TBC1D30: variants seen among roughly 807,000 people sequenced by gnomAD.
The protein encoded by TBC1D30 is TBC1 domain family, member 30.
Under a neutral mutation model 63.2 loss-of-function variants are expected in TBC1D30, and 31 were observed. That is an observed-to-expected ratio of 0.49 (90% CI 0.37 to 0.66). TBC1D30 has a LOEUF of 0.66. TBC1D30 is among the 30% of genes least tolerant of loss of function. The pLI is 0.00. For synonymous variants in TBC1D30, 307 were observed against 361.5 expected (o/e 0.85, Z 1.71); for missense variants, 810 against 953.6 (o/e 0.85, Z 1.98).
intron 2 of TBC1D30, among the ~76,000 whole-genome samples, chr12:64,816,582 C>G (rs976317879): frequency 6.6e-6 from 1 of 152,194 alleles, no homozygotes; most frequent in Non-Finnish European, 1.5e-5. Flanking sequence ...GGAAGCTGCT[C>G]TACTGGTATT....
At chr12:64,835,178 G>A (rs1378464774) in intron 5 of TBC1D30, among the ~76,000 whole-genome samples, 4 of 152,142 alleles carry the variant, frequency 2.6e-5, no homozygotes, top group African/African-American at 9.7e-5. Context: ...GCAAGATGAT[G>A]TTACGTGTAC....
rs534427638 is a variant in TBC1D30, at chr12:64,870,412, A to G, written c.1292-190A>G. On this transcript the variant is annotated intron_variant, in intron 10 of 11. Transcript: ENST00000539867. Reference sequence around the variant, plus strand: ...ATGTCAGACCCACAGTTAGGTTAATAAGAAAATGCAGAAATATTTTCAGGG... The same window carrying G: ...ATGTCAGACCCACAGTTAGGTTAATGAGAAAATGCAGAAATATTTTCAGGG... 5.8e-4 allele frequency among the ~76,000 whole-genome samples: 89 copies of G among 152,370 alleles called. 1 individual carries two copies. The highest frequency in any genetic ancestry group is 2.1e-3 in the African/African-American group (87 of 41,592).
chr12:64,795,059 T>G (rs1349479666), intron 2 of TBC1D30, among the ~76,000 whole-genome samples: 1 of 152,226 alleles, frequency 6.6e-6, no homozygotes, highest in East Asian at 1.9e-4. Flanking sequence ...TCTTTGGCTG[T>G]CTGCTCATAA....
At chr12:64,779,365 A>AT (rs1418114933), upstream of TBC1D30, 1 of 152,242 alleles carries the variant, frequency 6.6e-6, no homozygotes, top group African/African-American at 2.4e-5. Flanking sequence ...CATTTCATAC[A>AT]TTTAAACATT....
At chr12:64,821,645 T>TA (rs1329199550), upstream of TBC1D30, among the ~76,000 whole-genome samples, 2 of 152,176 alleles carry the variant, frequency 1.3e-5, no homozygotes, top group Non-Finnish European at 2.9e-5. Context: ...CTGTGCCCTC[T>TA]AAAAAACTGG....
chr12:64,849,621 C>T (rs1047205889), intron 8 of TBC1D30, among the ~76,000 whole-genome samples: 4 of 152,066 alleles, frequency 2.6e-5, no homozygotes, highest in Non-Finnish European at 5.9e-5. Flanking sequence ...TGTTCTGTTC[C>T]ATTGGTTTAT....
rs1336658685 is a variant in TBC1D30 at position 64,785,964 on chromosome 12, C to T, written c.562C>T (p.Gln188Ter). ...GGCCAAGTTACTTCGGCATCTGAAG[C>T]AGAAAGATAGGCTTCTGCATAAAGT... The change falls in exon 2 of 13, where the codon CAG becomes TAG. Residue 188 changes from glutamine to a stop codon, truncating the protein, a stop_gained. Transcript: ENST00000542120. LOFTEE classifies it high-confidence loss of function. 1.6e-6 allele frequency: 2 copies of T among 1,289,700 alleles called. No individual in the cohort carries two copies. The highest frequency in any genetic ancestry group is 3.0e-5 in the African/African-American group (2 of 65,858). 79.9% of individuals were successfully genotyped at this position (1,289,700 alleles called of 1,614,324 possible).
intron 8 of TBC1D30, among the ~76,000 whole-genome samples, chr12:64,848,206 C>T (rs1876554368): frequency 6.6e-6 from 1 of 151,764 alleles, no homozygotes; most frequent in South Asian, 2.1e-4. Context: ...GCTACTCCTG[C>T]TCCTTTTTTG....
intron 1 of TBC1D30, 146 bp downstream of exon 1, chr12:64,825,179 C>T (rs1874205107): frequency 8.1e-7 from 1 of 1,241,260 alleles, no homozygotes; most frequent in Non-Finnish European, 1.1e-6. Context: ...TTGGCACCTG[C>T]AGGGAGCGAT....
chr12:64,849,222 G>T lies in TBC1D30; in HGVS notation c.1038+5737G>T, dbSNP rs565596264. On this transcript the variant is annotated intron_variant, in intron 8 of 11. Transcript: ENST00000539867. Reference sequence around the variant, plus strand: ...TACAAAAGTTTTCTCCTATTCTGTAGGTTGCCTGTTTGCTCTAATGATAGG... The same window carrying T: ...TACAAAAGTTTTCTCCTATTCTGTATGTTGCCTGTTTGCTCTAATGATAGG... 2.6e-5 allele frequency among the ~76,000 whole-genome samples: 4 copies of T among 152,254 alleles called. No individual in the cohort carries two copies. The South Asian group carries it at 8.3e-4, about 32-fold the overall frequency.
chr12:64,812,348 T>C (rs980719563), intron 2 of TBC1D30, among the ~76,000 whole-genome samples: 7 of 152,186 alleles, frequency 4.6e-5, no homozygotes, highest in African/African-American at 1.7e-4. Context: ...CAGTAAACAA[T>C]TGGTATATGG....
In TBC1D30 at chr12:64,772,781, G is replaced by A. The variant is rs548987391; in HGVS notation, c.-375-13100G>A. On this transcript the variant is annotated intron_variant, in intron 1 of 13. Transcript: ENST00000674237. ...TGTGCCAGGAGTTTGAGATCAGCCT[G>A]GGCAATATAGCAAGACTCTGTCTCT... Among the ~76,000 whole-genome samples the A allele has an allele frequency of 2.0e-5, 3 of 152,142 alleles. No homozygotes were observed. In the South Asian group the frequency reaches 6.2e-4, roughly 32 times the overall value.
At chr12:64,832,073 G>T in intron 4 of TBC1D30, 46 bp from the exon 5 acceptor site, 1 of 1,450,366 alleles carries the variant, frequency 6.9e-7, no homozygotes, top group Non-Finnish European at 9.2e-7. Context: ...GTTTTGGAAA[G>T]AATATTAGGA....
chr12:64,796,113 T>G (rs535285308), intron 2 of TBC1D30, among the ~76,000 whole-genome samples: 40 of 152,242 alleles, frequency 2.6e-4, no homozygotes, highest in Non-Finnish European at 5.1e-4. Context: ...CCTCATTTTC[T>G]TTAAGCTCTT....
At chr12:64,824,310 T>C (rs997346542), upstream of TBC1D30, among the ~76,000 whole-genome samples, 9 of 152,134 alleles carry the variant, frequency 5.9e-5, no homozygotes, top group Admixed American at 2.0e-4. Context: ...CCGCCTGCGG[T>C]TGGGTCATGG....
intron 5 of TBC1D30, among the ~76,000 whole-genome samples, chr12:64,834,563 C>T (rs552188421): frequency 6.6e-6 from 1 of 151,736 alleles, no homozygotes; most frequent in Non-Finnish European, 1.5e-5. Flanking sequence ...TACACCACCA[C>T]GCCCAGCAAA....
chr12:64,836,569 CT>C lies in TBC1D30; in HGVS notation c.675del (p.Val226SerfsTer6). On this transcript the variant is annotated frameshift_variant, in exon 6 of 12. Coordinates refer to ENST00000539867, the MANE Select transcript of TBC1D30 (RefSeq NM_015279.2). LOFTEE classifies it high-confidence loss of function. ...CTCCGGGCATTGTCTGTGGATATGG[CT>C]GTCTTCAGAGACCTTTTAAGAATGA... Reference protein sequence around the residue: ...NNLRALSVDMAVFRDLLRMKL... With the variant: ...NNLRALSVDMXVFRDLLRMKL... 6.5e-7 allele frequency: 1 copy of C among 1,535,958 alleles called. No homozygotes were observed. Among genetic ancestry groups the C allele is most frequent in the Non-Finnish European group, 8.7e-7 (1 of 1,146,836 alleles).
At chr12:64,812,131 C>T (rs1873252134) in intron 2 of TBC1D30, among the ~76,000 whole-genome samples, 1 of 151,994 alleles carries the variant, frequency 6.6e-6, no homozygotes, top group African/African-American at 2.4e-5. Context: ...TAATAATTTC[C>T]AATATTCTAA....
At chr12:64,783,346 G>A (rs1871387454) in intron 1 of TBC1D30, among the ~76,000 whole-genome samples, 1 of 152,108 alleles carries the variant, frequency 6.6e-6, no homozygotes, top group Admixed American at 6.5e-5. Flanking sequence ...ACATCTCTGT[G>A]TCTCACTTTC....
Sources: allele counts gnomAD v4.1 joint callset (sites outside exome capture counted in the v4.1 genomes callset), GRCh38; gene constraint gnomAD v4.1.1; transcripts MANE v1.5; gene names NCBI Gene and HGNC (gene_info 2026-07-23, HGNC 2026-07-21).